Variants in LRP5 observed in about 807,000 individuals in gnomAD.
LRP5 encodes the protein low-density lipoprotein receptor-related protein 5.
Under a neutral mutation model 154.1 loss-of-function variants are expected in LRP5, and 62 were observed. The ratio of observed to expected loss-of-function variants is 0.40; its 90% confidence interval spans 0.33 to 0.50. The LOEUF is 0.50. LRP5 is among the 20% of genes least tolerant of loss of function. The probability of loss-of-function intolerance (pLI) is 0.55; values close to 1 mark genes in which losing one functional copy is unlikely to be tolerated. For missense variants in LRP5, 1,915 were observed against 2,336.7 expected, an observed-to-expected ratio of 0.82 and a Z score of 3.72; for synonymous variants, 966 against 1,011.5, an observed-to-expected ratio of 0.96 and a Z score of 0.85.
chr11:68,303,777 GC>G, the LRP5 span, among the ~76,000 whole-genome samples: 1 of 152,212 alleles, frequency 6.6e-6, no homozygotes, highest in Non-Finnish European at 1.5e-5. Flanking sequence ...ACAGGTGTGA[GC>G]CACCAAGCGT....
chr11:68,401,108 G>A (rs571497123), intron 7 of LRP5, among the ~76,000 whole-genome samples: 4 of 152,170 alleles, frequency 2.6e-5, no homozygotes, highest in Non-Finnish European at 4.4e-5. Flanking sequence ...GGAGAAGCCT[G>A]CACTTCTTCA....
chr11:68,394,430 G>A (rs1023474353), intron 7 of LRP5, among the ~76,000 whole-genome samples: 3 of 148,924 alleles, frequency 2.0e-5, no homozygotes, highest in East Asian at 2.0e-4. Context: ...TGGGGCCTTC[G>A]TGTCACAATG....
intron 3 of LRP5, among the ~76,000 whole-genome samples, chr11:68,361,023 A>G (rs1344275755): frequency 4.9e-5 from 3 of 61,422 alleles, no homozygotes; most frequent in Non-Finnish European, 6.7e-5. Flanking sequence ...AAAAAAAAAA[A>G]GGCTGGGCGC....
At chr11:68,416,226 C>CAA in intron 12 of LRP5, 102 bp from the exon 13 acceptor site, 1 of 977,920 alleles carries the variant, frequency 1.0e-6, no homozygotes, top group Non-Finnish European at 1.6e-6. Context: ...TCCAGCGGGG[C>CAA]AGATGCTGAG....
chr11:68,310,073 G>A (rs578147008), upstream of LRP5, among the ~76,000 whole-genome samples: 1 of 152,362 alleles, frequency 6.6e-6, no homozygotes, highest in Admixed American at 6.5e-5. Flanking sequence ...CTAGTGGAGA[G>A]AAGAAAGATA....
rs369221330 is a variant in LRP5 at position 68,416,149 on chromosome 11, G to A, written c.2828-179G>A. 1.4e-3 allele frequency among the ~76,000 whole-genome samples: 208 copies of A among 152,152 alleles called. 11 individuals are homozygous for A. The South Asian group carries it at 0.04, about 29-fold the overall frequency. On this transcript the variant is annotated intron_variant, in intron 12 of 22. Coordinates refer to ENST00000294304, the MANE Select transcript of LRP5 (RefSeq NM_002335.4). The stretch of plus-strand genomic sequence containing the variant: ...AAACAGCAGAGACACATATGACACG[G>A]AGAATGAAATTCCCCATAGCGCACC...
At chr11:68,414,044 C>T (rs766775008) in intron 12 of LRP5, 32 bp downstream of exon 12, 3 of 1,583,488 alleles carry the variant, frequency 1.9e-6, no homozygotes, top group East Asian at 2.2e-5. Flanking sequence ...GCACCTCACT[C>T]CCTCGTTAGA....
rs552327996 is a variant in LRP5, at chr11:68,398,833, C to A, written c.1585-4650C>A. 8.5e-5 allele frequency among the ~76,000 whole-genome samples: 13 copies of A among 152,274 alleles called. No individual in the cohort carries two copies. In the South Asian group the frequency reaches 2.5e-3, roughly 29 times the overall value. On this transcript the variant is annotated intron_variant, in intron 7 of 22. Coordinates refer to ENST00000294304, the MANE Select transcript of LRP5 (RefSeq NM_002335.4). ...CGCTGTACCCTTGACCTCCCAGGCT[C>A]AAGCGATCCTCCTGTCTCAGCCTCC... is the stretch of plus-strand genomic sequence containing the variant.
chr11:68,325,521 CA>C (rs1414692736), intron 1 of LRP5, among the ~76,000 whole-genome samples: 1 of 152,204 alleles, frequency 6.6e-6, no homozygotes, highest in African/African-American at 2.4e-5. Flanking sequence ...GTGTGCTGGG[CA>C]GCAACCATTA....
At position 68,418,172 on chromosome 11, in the gene LRP5, C is replaced by T. The variant is rs534195586; in HGVS notation, c.3027+1645C>T. On this transcript the variant is annotated intron_variant, in intron 13 of 22. Transcript: ENST00000294304. ...CTTGTATCCTAGCACTTTGGGAGGC[C>T]GAAGTGGGTGGATCACGAGGTCAGG... 5.9e-5 allele frequency among the ~76,000 whole-genome samples: 9 copies of T among 151,508 alleles called. No individual in the cohort carries two copies. In the South Asian group the frequency reaches 8.4e-4, roughly 14 times the overall value.
chr11:68,302,613 G>A, the LRP5 span, among the ~76,000 whole-genome samples: 19 of 152,194 alleles, frequency 1.2e-4, no homozygotes, highest in Non-Finnish European at 2.1e-4. Flanking sequence ...ATCTAACAGC[G>A]GAGTGGGTGA....
intron 5 of LRP5, among the ~76,000 whole-genome samples, chr11:68,370,208 C>T (rs972608836): frequency 1.3e-5 from 2 of 152,190 alleles, no homozygotes; most frequent in Non-Finnish European, 2.9e-5. Flanking sequence ...GTTCTAACAG[C>T]TGGGCCTTCT....
At chr11:68,385,481 G>A (rs1008106049) in intron 5 of LRP5, among the ~76,000 whole-genome samples, 2 of 152,112 alleles carry the variant, frequency 1.3e-5, no homozygotes, top group African/African-American at 4.8e-5. Flanking sequence ...GTGTTCTGAT[G>A]GCCCAGCTGT....
intron 16 of LRP5, among the ~76,000 whole-genome samples, chr11:68,427,254 C>T (rs1323440314): frequency 1.3e-5 from 2 of 152,174 alleles, no homozygotes; most frequent in Non-Finnish European, 2.9e-5. Context: ...CTTGCTGTGT[C>T]CCAGGGCTTG....
intron 6 of LRP5, among the ~76,000 whole-genome samples, chr11:68,389,156 A>G (rs200964952): frequency 8.7e-6 from 1 of 114,602 alleles, no homozygotes. Flanking sequence ...CAACACTGAA[A>G]TTTACCGACA....
intron 6 of LRP5, among the ~76,000 whole-genome samples, chr11:68,387,911 G>T (rs953074073): frequency 6.6e-6 from 1 of 152,236 alleles, no homozygotes; most frequent in Non-Finnish European, 1.5e-5. Context: ...TCGGGCAGCG[G>T]CGGGCAGAGG....
At chr11:68,327,717 G>A (rs1008287468) in intron 1 of LRP5, among the ~76,000 whole-genome samples, 9 of 152,164 alleles carry the variant, frequency 5.9e-5, no homozygotes, top group African/African-American at 1.4e-4. Context: ...TGTGACAGGC[G>A]TGGAGGGTAG....
At position 68,331,743 on chromosome 11, in the gene LRP5, CTGTGTGTG is replaced by C. The variant is rs60278908; in HGVS notation, c.92-16080_92-16073del. Among the ~76,000 whole-genome samples the C allele has an allele frequency of 3.0e-3, 447 of 148,178 alleles. 1 individual carries two copies. The highest frequency in any genetic ancestry group is 0.01 in the Middle Eastern group (3 of 292). Reference sequence around the variant, plus strand: ...CAGTCAATTATGGTTTTCCTCTGGGCTGTGTGTGTGTGTGTGTGTGTGTGTGTGTGTTT... The same window carrying C: ...CAGTCAATTATGGTTTTCCTCTGGGCTGTGTGTGTGTGTGTGTGTGTGTTT... On this transcript the variant is annotated intron_variant, in intron 1 of 22. Coordinates refer to ENST00000294304, the MANE Select transcript of LRP5 (RefSeq NM_002335.4).
At chr11:68,415,234 T>C (rs921236662) in intron 12 of LRP5, among the ~76,000 whole-genome samples, 3 of 152,194 alleles carry the variant, frequency 2.0e-5, no homozygotes, top group African/African-American at 7.2e-5. Context: ...AGCTTGATTC[T>C]GGGGCTGCCT....
Sources: allele counts gnomAD v4.1 joint callset (sites outside exome capture counted in the v4.1 genomes callset), GRCh38; gene constraint gnomAD v4.1.1; transcripts MANE v1.5; gene names NCBI Gene and HGNC (gene_info 2026-07-23, HGNC 2026-07-21).